The following STPG4 variants were observed in gnomAD, a reference collection of about 807,000 sequenced individuals.
STPG4 encodes protein STPG4.
STPG4 carries 41 observed loss-of-function variants against 31.5 expected under a neutral mutation model. That is an observed-to-expected ratio of 1.30 (90% CI 1.01 to 1.69). The LOEUF (loss-of-function observed/expected upper bound fraction) is 1.69, where lower values mean the gene tolerates loss of function less well. Ranked by LOEUF, STPG4 falls within the 40% of genes most tolerant of loss-of-function variation. The pLI, the probability that STPG4 is intolerant of heterozygous loss-of-function variation, is 0.00. For synonymous variants in STPG4, 141 were observed against 103.0 expected, an observed-to-expected ratio of 1.37 and a Z score of -2.24; for missense variants, 375 against 293.4, an observed-to-expected ratio of 1.28 and a Z score of -2.03.
chr2:47,136,858 T>C (rs1274810318), intron 3 of STPG4, among the ~76,000 whole-genome samples: 1 of 152,246 alleles, frequency 6.6e-6, no homozygotes, highest in African/African-American at 2.4e-5. Flanking sequence ...GCAAACTTGC[T>C]ATAATTTGTT....
At chr2:47,138,057 C>A (rs994865942) in intron 3 of STPG4, among the ~76,000 whole-genome samples, 1 of 152,056 alleles carries the variant, frequency 6.6e-6, no homozygotes, top group African/African-American at 2.4e-5. Context: ...TCCTAAGGTG[C>A]AGACTTACAT....
chr2:47,120,824 TA>T (rs950525463), intron 5 of STPG4, among the ~76,000 whole-genome samples: 2 of 152,166 alleles, frequency 1.3e-5, no homozygotes, highest in Admixed American at 6.6e-5. Context: ...ATTTAAAATA[TA>T]AAAAACATTT....
At chr2:47,087,398 G>A (rs900558186) in intron 6 of STPG4, among the ~76,000 whole-genome samples, 5 of 152,344 alleles carry the variant, frequency 3.3e-5, no homozygotes, top group East Asian at 1.9e-4. Context: ...TGCTGGGAGA[G>A]GCGGGGTCAC....
intron 5 of STPG4, among the ~76,000 whole-genome samples, chr2:47,117,929 TA>T (rs147496755): frequency 0.36 from 35,047 of 96,156 alleles, 4,411 homozygotes; most frequent in African/African-American, 0.44. Context: ...TATATATATA[TA>T]TTTTTTTTTT....
intron 5 of STPG4, 169 bp downstream of exon 5, chr2:47,129,772 G>T (rs957054111): frequency 1.3e-6 from 1 of 765,032 alleles, no homozygotes; most frequent in African/African-American, 1.8e-5. Flanking sequence ...TTGCTTTTTG[G>T]TTCTTACAGA....
rs184847933 is a variant in STPG4, at chr2:47,098,222, C to T, written c.520-7848G>A. ...GACCCAAAACGGGTTCACCAGGCAG[C>T]CTTCACTGCTGCGCACTGACAGCTC... On this transcript the variant is annotated intron_variant, in intron 5 of 6. Transcript: ENST00000445927. Among the ~76,000 whole-genome samples the T allele has an allele frequency of 4.4e-3, 664 of 152,348 alleles. 7 individuals carry two copies. Among genetic ancestry groups the T allele is most frequent in the African/African-American group, 0.015 (627 of 41,574 alleles).
At chr2:47,095,637 T>C (rs779953306) in intron 5 of STPG4, among the ~76,000 whole-genome samples, 2 of 152,232 alleles carry the variant, frequency 1.3e-5, no homozygotes, top group African/African-American at 4.8e-5. Context: ...CCAATATACA[T>C]TGTTCCAGGC....
At chr2:47,136,271 G>A (rs759666914) in intron 3 of STPG4, among the ~76,000 whole-genome samples, 8 of 151,978 alleles carry the variant, frequency 5.3e-5, no homozygotes, top group African/African-American at 7.3e-5. Flanking sequence ...TCAGCTTCCC[G>A]AGTAGCTGGG....
intron 5 of STPG4, among the ~76,000 whole-genome samples, chr2:47,111,986 T>G (rs893807161): frequency 3.9e-5 from 6 of 152,220 alleles, no homozygotes; most frequent in African/African-American, 1.2e-4. Flanking sequence ...GTTTTGTTTT[T>G]AACAAGTGAG....
chr2:47,127,733 TTC>T (rs1323111180), intron 5 of STPG4, among the ~76,000 whole-genome samples: 3 of 152,244 alleles, frequency 2.0e-5, no homozygotes, highest in East Asian at 1.9e-4. Flanking sequence ...TCTGAATTCA[TTC>T]TCTGTGTCAT....
chr2:47,101,777 C>T (rs1042423866), intron 5 of STPG4, among the ~76,000 whole-genome samples: 2 of 151,868 alleles, frequency 1.3e-5, no homozygotes, highest in Non-Finnish European at 2.9e-5. Flanking sequence ...TGTATCCTTC[C>T]TATTCATGAG....
chr2:47,096,718 A>T (rs1290284955), intron 5 of STPG4, among the ~76,000 whole-genome samples: 5 of 152,254 alleles, frequency 3.3e-5, no homozygotes, highest in Non-Finnish European at 5.9e-5. Context: ...TGCTGTGAGC[A>T]AGGTATTTAG....
At chr2:47,130,758 ACCTG>A (rs1211172832) in intron 3 of STPG4, among the ~76,000 whole-genome samples, 1 of 151,546 alleles carries the variant, frequency 6.6e-6, no homozygotes, top group Non-Finnish European at 1.5e-5. Context: ...CAAGTGATCC[ACCTG>A]CCTCAGCCTC....
intron 5 of STPG4, chr2:47,128,857 C>T (rs1205697004): frequency 6.6e-6 from 1 of 152,286 alleles, no homozygotes; most frequent in Non-Finnish European, 1.5e-5. Context: ...AAGCAGGAGT[C>T]TCTCTCTGTG....
intron 3 of STPG4, among the ~76,000 whole-genome samples, chr2:47,149,287 T>G (rs1291400615): frequency 6.6e-6 from 1 of 152,210 alleles, no homozygotes; most frequent in Non-Finnish European, 1.5e-5. Context: ...TTAAGTATTG[T>G]GTAACTCCAT....
intron 5 of STPG4, among the ~76,000 whole-genome samples, chr2:47,118,342 G>A (rs1392440026): frequency 1.3e-5 from 2 of 152,182 alleles, no homozygotes; most frequent in African/African-American, 2.4e-5. Flanking sequence ...TCTAATGCCT[G>A]ATGATCTGTC....
intron 5 of STPG4, among the ~76,000 whole-genome samples, chr2:47,102,689 C>T (rs1160862679): frequency 2.0e-5 from 3 of 151,646 alleles, no homozygotes; most frequent in Non-Finnish European, 2.9e-5. Context: ...ATCTCCCCTG[C>T]CCAGAAGGAA....
At chr2:47,109,621 C>G in intron 5 of STPG4, among the ~76,000 whole-genome samples, 1 of 151,502 alleles carries the variant, frequency 6.6e-6, no homozygotes, top group Non-Finnish European at 1.5e-5. Flanking sequence ...ATATTTTTCC[C>G]AAAATGTTAC....
At chr2:47,097,382 A>T (rs1399783225) in intron 5 of STPG4, among the ~76,000 whole-genome samples, 1 of 152,094 alleles carries the variant, frequency 6.6e-6, no homozygotes, top group East Asian at 1.9e-4. Flanking sequence ...CTGGATGCTG[A>T]TGTCCCCCCA....
Sources: allele counts gnomAD v4.1 joint callset (sites outside exome capture counted in the v4.1 genomes callset), GRCh38; gene constraint gnomAD v4.1.1; transcripts MANE v1.5; gene names NCBI Gene and HGNC (gene_info 2026-07-23, HGNC 2026-07-21).